The following BICDL1 variants were observed in gnomAD, a reference collection of about 807,000 sequenced individuals.
The protein encoded by BICDL1 is BICD family like cargo adaptor 1.
A neutral mutation model predicts 76.8 loss-of-function variants in BICDL1; 20 were observed. The ratio of observed to expected loss-of-function variants is 0.26; its 90% confidence interval spans 0.18 to 0.38. The LOEUF (loss-of-function observed/expected upper bound fraction) is 0.38. BICDL1 is among the 10% of genes least tolerant of loss of function. The pLI, the probability that BICDL1 is intolerant of heterozygous loss-of-function variation, is 1.00. For missense variants in BICDL1, 700 were observed against 798.6 expected, an observed-to-expected ratio of 0.88 and a Z score of 1.49; for synonymous variants, 383 against 337.1, an observed-to-expected ratio of 1.14 and a Z score of -1.49.
chr12:120,016,534 A>G (rs1008232565), intron 2 of BICDL1, among the ~76,000 whole-genome samples: 3 of 138,774 alleles, frequency 2.2e-5, no homozygotes, highest in Non-Finnish European at 4.5e-5. Context: ...TGATTCTCCC[A>G]CTTCAGTCTC....
intron 2 of BICDL1, among the ~76,000 whole-genome samples, chr12:120,005,618 C>T (rs749765294): frequency 8.5e-5 from 13 of 152,224 alleles, no homozygotes; most frequent in Non-Finnish European, 1.6e-4. Flanking sequence ...GGTGATCCAC[C>T]TCGGCCTCCC....
intron 3 of BICDL1, 182 bp from the exon 4 acceptor site, chr12:120,064,551 G>A (rs911947056): frequency 2.2e-6 from 1 of 458,498 alleles, no homozygotes; most frequent in Non-Finnish European, 3.7e-6. Context: ...CAGGTTTCTA[G>A]AGGGGAGGGG....
At chr12:120,067,445 G>A (rs1021354844) in intron 4 of BICDL1, among the ~76,000 whole-genome samples, 1 of 152,230 alleles carries the variant, frequency 6.6e-6, no homozygotes, top group Admixed American at 6.5e-5. Context: ...AAAGCACTTG[G>A]TGTCATTCTT....
intron 2 of BICDL1, among the ~76,000 whole-genome samples, chr12:120,018,388 G>T (rs1277933511): frequency 6.6e-6 from 1 of 152,188 alleles, no homozygotes; most frequent in African/African-American, 2.4e-5. Context: ...CAGATTCCCT[G>T]TTAGAATCTG....
chr12:120,060,502 T>A (rs748312263), intron 2 of BICDL1, among the ~76,000 whole-genome samples: 1 of 152,190 alleles, frequency 6.6e-6, no homozygotes, highest in African/African-American at 2.4e-5. Context: ...TCTTACTAGC[T>A]CATTACTTCA....
At chr12:120,042,804 CAAA>C (rs538558620) in intron 2 of BICDL1, among the ~76,000 whole-genome samples, 1 of 120,648 alleles carries the variant, frequency 8.3e-6, no homozygotes, top group Non-Finnish European at 1.8e-5. Context: ...GACTCCCCCT[CAAA>C]AAAAAAAAAA....
chr12:120,026,732 T>A (rs960663458), intron 2 of BICDL1, among the ~76,000 whole-genome samples: 3 of 151,700 alleles, frequency 2.0e-5, no homozygotes, highest in African/African-American at 7.3e-5. Context: ...TGAGCAGGAG[T>A]TTTCTGCTGC....
At chr12:120,002,103 A>G (rs1951770895) in intron 2 of BICDL1, among the ~76,000 whole-genome samples, 1 of 152,158 alleles carries the variant, frequency 6.6e-6, no homozygotes, top group African/African-American at 2.4e-5. Context: ...CACTATCACC[A>G]TTATCTAATT....
intron 2 of BICDL1, among the ~76,000 whole-genome samples, chr12:120,042,959 G>T (rs1952673552): frequency 6.6e-6 from 1 of 152,172 alleles, no homozygotes; most frequent in African/African-American, 2.4e-5. Context: ...GACACAAGGG[G>T]TGTGTTTTCC....
At position 119,989,697 on chromosome 12, in the gene BICDL1, G is replaced by C. The variant is rs1012669613; in HGVS notation, c.-172G>C. ...GGAGGGGGCGCGTGCCGCCGGCGCG[G>C]GGGAGGGGCGGGCCGGCGCGCGCCG... On this transcript the variant is annotated 5_prime_UTR_variant, in exon 1 of 10. Coordinates refer to ENST00000548673, the MANE Select transcript of BICDL1 (RefSeq NM_001367886.1). Among the ~76,000 whole-genome samples the C allele has an allele frequency of 5.5e-5, 8 of 145,702 alleles. 1 individual carries two copies. The highest frequency in any genetic ancestry group is 2.7e-4 in the Admixed American group (4 of 14,772).
intron 4 of BICDL1, among the ~76,000 whole-genome samples, chr12:120,066,183 G>T (rs910261235): frequency 6.6e-6 from 1 of 152,186 alleles, no homozygotes; most frequent in African/African-American, 2.4e-5. Context: ...CATGTAGTGA[G>T]TCTTTGGTAG....
intron 7 of BICDL1, among the ~76,000 whole-genome samples, chr12:120,078,340 ATGT>A (rs982876424): frequency 2.0e-5 from 3 of 152,228 alleles, no homozygotes; most frequent in African/African-American, 7.2e-5. Context: ...AAGCACTCAA[ATGT>A]TGTTGAACAA....
chr12:120,080,815 GT>G, intron 7 of BICDL1, 71 bp from the exon 8 acceptor site: 1 of 1,569,318 alleles, frequency 6.4e-7, no homozygotes, highest in Admixed American at 1.7e-5. Flanking sequence ...GGGTCTCTTT[GT>G]TCCTTTTTCC....
In BICDL1 at chr12:119,989,479, C is replaced by CA; in HGVS notation, c.-390_-389insA. ...CCGGCGGCGGCAGCAGCAGCAGCAG[C>CA]GGCAGCGGCAACAGGGCGGCTGAGA... On this transcript the variant is annotated 5_prime_UTR_variant, in exon 1 of 10. The change abolishes the stop of an existing upstream ORF in the 5' untranslated region. Transcript: ENST00000548673. 6.6e-6 allele frequency among the ~76,000 whole-genome samples: 1 copy of CA among 150,422 alleles called. No homozygotes were observed. The highest frequency in any genetic ancestry group is 2.4e-5 in the African/African-American group (1 of 41,264).
At chr12:120,072,473 C>G in intron 5 of BICDL1, 38 bp from the exon 6 acceptor site, 1 of 1,599,202 alleles carries the variant, frequency 6.3e-7, no homozygotes. Flanking sequence ...GCAGTCTTCT[C>G]TAGAGTCTGA....
intron 2 of BICDL1, among the ~76,000 whole-genome samples, chr12:120,036,395 A>C (rs553705033): frequency 6.6e-6 from 1 of 152,256 alleles, no homozygotes; most frequent in Non-Finnish European, 1.5e-5. Context: ...TAAACCAGCT[A>C]TACTTTGTTC....
chr12:120,061,737 A>G lies in BICDL1; in HGVS notation c.673A>G (p.Met225Val). ...RASEVERQLS[M>V]QVHALREDFR... is the part of the protein sequence containing the mutation. ...ATCAGAAGTTGAGAGACAACTCTCC[A>G]TGCAGGTCCACGCCCTCAGAGAAGA... The change falls in exon 3 of 10, where the codon ATG (methionine) becomes GTG (valine). Residue 225 changes from methionine to valine, a missense_variant. Met to Val is a conservative substitution (Grantham distance 21). Coordinates refer to ENST00000548673, the MANE Select transcript of BICDL1 (RefSeq NM_001367886.1). The G allele has an allele frequency of 6.2e-7, 1 of 1,614,164 alleles. No homozygotes were observed. Among genetic ancestry groups the G allele is most frequent in the East Asian group, 2.2e-5 (1 of 44,886 alleles).
intron 2 of BICDL1, among the ~76,000 whole-genome samples, chr12:120,057,519 G>A (rs1490079085): frequency 6.6e-6 from 1 of 152,144 alleles, no homozygotes. Flanking sequence ...AAACTTAAGA[G>A]GTTATTATTT....
chr12:120,028,469 G>A (rs1952354345), intron 2 of BICDL1, among the ~76,000 whole-genome samples: 1 of 152,140 alleles, frequency 6.6e-6, no homozygotes, highest in South Asian at 2.1e-4. Flanking sequence ...GAGGTCAGGA[G>A]TGTGAGACCA....
Sources: allele counts gnomAD v4.1 joint callset (sites outside exome capture counted in the v4.1 genomes callset), GRCh38; gene constraint gnomAD v4.1.1; transcripts MANE v1.5; gene names NCBI Gene and HGNC (gene_info 2026-07-23, HGNC 2026-07-21).